Variants in RSRC1 observed in about 807,000 individuals in gnomAD.
RSRC1 encodes arginine and serine rich coiled-coil 1.
RSRC1 carries 39 observed loss-of-function variants against 49.1 expected under a neutral mutation model. The observed-to-expected ratio is 0.79, with a 90% confidence interval of 0.61 to 1.04. The LOEUF (loss-of-function observed/expected upper bound fraction) is 1.04, where lower values mean the gene tolerates loss of function less well. Among genes scored for constraint, RSRC1 ranks in the 50% least tolerant of loss-of-function variants. The probability of loss-of-function intolerance (pLI) is 0.00; values close to 1 mark genes in which losing one functional copy is unlikely to be tolerated. For missense variants in RSRC1, 388 were observed against 402.4 expected, an observed-to-expected ratio of 0.96 and a Z score of 0.31; for synonymous variants, 143 against 130.8, an observed-to-expected ratio of 1.09 and a Z score of -0.63.
At chr3:158,355,858 A>G (rs1273096240) in intron 6 of RSRC1, among the ~76,000 whole-genome samples, 2 of 151,956 alleles carry the variant, frequency 1.3e-5, no homozygotes, top group African/African-American at 2.4e-5. Flanking sequence ...CCCTGTATCT[A>G]TATCTATATT....
rs141500147 is a variant in RSRC1, at chr3:158,537,461, C to A, written c.759+263C>A. Among the ~76,000 whole-genome samples, 4 of 151,644 alleles carry A rather than the reference C, an allele frequency of 2.6e-5. No individual in the cohort carries two copies. The East Asian group carries it at 5.8e-4, about 22-fold the overall frequency. ...CCAAGAATACTAAGTAATATGTCAA[C>A]AAGATAGTTCTATAACAGTAATGCA... On this transcript the variant is annotated intron_variant, in intron 8 of 9. Transcript: ENST00000611884.
intron 3 of RSRC1, among the ~76,000 whole-genome samples, chr3:158,195,033 A>G (rs1350710380): frequency 2.6e-5 from 4 of 152,320 alleles, no homozygotes; most frequent in East Asian, 1.9e-4. Context: ...TGGCTGGGTC[A>G]TATGGTATTT....
intron 5 of RSRC1, among the ~76,000 whole-genome samples, chr3:158,317,974 G>A (rs748296567): frequency 3.3e-5 from 5 of 152,258 alleles, no homozygotes; most frequent in African/African-American, 1.2e-4. Context: ...TTTAAATGTG[G>A]CCCAACACTA....
chr3:158,290,061 T>C (rs1421328439), intron 4 of RSRC1, among the ~76,000 whole-genome samples: 1 of 152,086 alleles, frequency 6.6e-6, no homozygotes, highest in Admixed American at 6.6e-5. Context: ...TATGAAGATT[T>C]TTTTTTTTAT....
chr3:158,413,733 A>T (rs1182268443), intron 6 of RSRC1, among the ~76,000 whole-genome samples: 2 of 152,244 alleles, frequency 1.3e-5, no homozygotes, highest in Non-Finnish European at 2.9e-5. Flanking sequence ...AACATGAAAA[A>T]AACCTCAACA....
At chr3:158,260,458 T>A (rs942694271) in intron 4 of RSRC1, among the ~76,000 whole-genome samples, 2 of 152,142 alleles carry the variant, frequency 1.3e-5, no homozygotes, top group East Asian at 3.9e-4. Flanking sequence ...ACTCTTTACT[T>A]TCCCATCTCC....
At chr3:158,332,237 A>G (rs1044322105) in intron 5 of RSRC1, among the ~76,000 whole-genome samples, 2 of 152,134 alleles carry the variant, frequency 1.3e-5, no homozygotes, top group South Asian at 2.1e-4. Context: ...AACAACACCC[A>G]TAGTTTTGGA....
Position 158,283,586 on chromosome 3 carries a change from TTTC to T in RSRC1, c.495-14451_495-14449del, listed in dbSNP as rs377755650. ...TCACAATTTTTAATGGTGATATCGTTTTCTGTTGTATGGTTATTATATTTTATT... is the reference window on the plus strand; with the variant it reads ...TCACAATTTTTAATGGTGATATCGTTTGTTGTATGGTTATTATATTTTATT... On this transcript the variant is annotated intron_variant, in intron 4 of 9. Transcript: ENST00000611884. Among the ~76,000 whole-genome samples, 132 of 152,282 alleles carry T rather than the reference TTTC, an allele frequency of 8.7e-4. 2 individuals carry two copies. In the South Asian group the frequency reaches 0.011, roughly 13 times the overall value.
intron 3 of RSRC1, among the ~76,000 whole-genome samples, chr3:158,139,584 A>C (rs1043063775): frequency 6.6e-6 from 1 of 151,760 alleles, no homozygotes; most frequent in Non-Finnish European, 1.5e-5. Context: ...AACTGCATTC[A>C]CAGAGACGTG....
intron 7 of RSRC1, among the ~76,000 whole-genome samples, chr3:158,466,019 A>G (rs1352933600): frequency 6.6e-6 from 1 of 152,178 alleles, no homozygotes. Context: ...GTCCTTTGTA[A>G]TACTCTTGAT....
At chr3:158,365,775 G>A (rs983057417) in intron 6 of RSRC1, among the ~76,000 whole-genome samples, 1 of 152,158 alleles carries the variant, frequency 6.6e-6, no homozygotes, top group Non-Finnish European at 1.5e-5. Flanking sequence ...CATTGTAAAA[G>A]CATTTCTATT....
intron 4 of RSRC1, among the ~76,000 whole-genome samples, chr3:158,269,807 A>G (rs1725402746): frequency 6.6e-6 from 1 of 152,162 alleles, no homozygotes; most frequent in African/African-American, 2.4e-5. Flanking sequence ...CCCAGAAAAC[A>G]GATTTCTTAT....
chr3:158,387,416 C>A (rs1017104431), intron 6 of RSRC1, among the ~76,000 whole-genome samples: 3 of 152,098 alleles, frequency 2.0e-5, no homozygotes, highest in African/African-American at 7.2e-5. Context: ...GAGACAGAAA[C>A]AGCCTATCAG....
chr3:158,433,723 A>ATATCTAAAAACAATTCTAAAAATCATCC (rs1735897594), intron 6 of RSRC1, among the ~76,000 whole-genome samples: 1 of 152,018 alleles, frequency 6.6e-6, no homozygotes, highest in Non-Finnish European at 1.5e-5. Flanking sequence ...ATCTGTCCAA[A>ATATCTAAAAACAATTCTAAAAATCATCC]TATCTAAAAA....
chr3:158,207,444 T>C (rs1295951671), intron 4 of RSRC1, among the ~76,000 whole-genome samples: 1 of 152,148 alleles, frequency 6.6e-6, no homozygotes, highest in Non-Finnish European at 1.5e-5. Flanking sequence ...TTTCATTAGC[T>C]GTCTTTTTTC....
rs532905623 is a variant in RSRC1, at chr3:158,505,827, C to T, written c.653-31265C>T. Reference sequence around the variant, plus strand: ...GTAAAGGGAACAGCATTTGTGAAACCTGTAATCAAGAGAATATGGTTCTTC... The same window carrying T: ...GTAAAGGGAACAGCATTTGTGAAACTTGTAATCAAGAGAATATGGTTCTTC... On this transcript the variant is annotated intron_variant, in intron 7 of 9. Coordinates refer to ENST00000611884, the MANE Select transcript of RSRC1 (RefSeq NM_001271838.2). Among the ~76,000 whole-genome samples the T allele has an allele frequency of 8.7e-5, 13 of 149,198 alleles. No individual in the cohort carries two copies. In the South Asian group the frequency reaches 2.8e-3, roughly 32 times the overall value.
At chr3:158,169,264 G>A (rs953101172) in intron 3 of RSRC1, among the ~76,000 whole-genome samples, 5 of 152,090 alleles carry the variant, frequency 3.3e-5, no homozygotes, top group South Asian at 2.1e-4. Context: ...TAACCCTTCC[G>A]TTTTTGAGCA....
chr3:158,187,380 A>G (rs943616105), intron 3 of RSRC1, among the ~76,000 whole-genome samples: 1 of 152,072 alleles, frequency 6.6e-6, no homozygotes, highest in Non-Finnish European at 1.5e-5. Context: ...TACATATTTT[A>G]GAGCATTAAC....
At chr3:158,334,039 G>A (rs993678134) in intron 5 of RSRC1, among the ~76,000 whole-genome samples, 2 of 152,086 alleles carry the variant, frequency 1.3e-5, no homozygotes, top group Admixed American at 6.5e-5. Context: ...TTAAAATAAC[G>A]TGTTTTCTAG....
Sources: gnomAD v4.1 joint callset for allele counts (sites outside exome capture counted in the v4.1 genomes callset) on GRCh38, gnomAD v4.1.1 for gene constraint, MANE v1.5 for transcripts, NCBI Gene and HGNC (gene_info 2026-07-23, HGNC 2026-07-21) for gene names.